Variants in LUZP2 observed in about 807,000 individuals in gnomAD.
LUZP2 encodes the protein leucine zipper protein 2.
In LUZP2, 52 loss-of-function variants were observed where a neutral mutation model predicts 51.6. That is an observed-to-expected ratio of 1.01 (90% confidence interval 0.81 to 1.27). The LOEUF (loss-of-function observed/expected upper bound fraction) is 1.27, where lower values mean the gene tolerates loss of function less well. Among genes scored for constraint, LUZP2 ranks in the 50% most tolerant of loss-of-function variants. LUZP2 has a pLI of 0.00. For missense variants in LUZP2, 436 were observed against 395.4 expected (o/e 1.10, Z -0.87); for synonymous variants, 154 against 137.3 (o/e 1.12, Z -0.85).
chr11:24,849,387 T>G (rs1851314857), intron 5 of LUZP2, among the ~76,000 whole-genome samples: 1 of 152,114 alleles, frequency 6.6e-6, no homozygotes, highest in Non-Finnish European at 1.5e-5. Context: ...GGTGTTTGGT[T>G]TTCTGTTCTT....
intron 1 of LUZP2, among the ~76,000 whole-genome samples, chr11:24,647,473 A>G (rs1188971947): frequency 1.3e-5 from 2 of 151,994 alleles, no homozygotes; most frequent in Non-Finnish European, 2.9e-5. Flanking sequence ...TTATCTAGAC[A>G]ATAAATTAAA....
At chr11:24,989,511 C>A (rs1388240673) in intron 9 of LUZP2, among the ~76,000 whole-genome samples, 1 of 152,046 alleles carries the variant, frequency 6.6e-6, no homozygotes, top group Non-Finnish European at 1.5e-5. Context: ...AAAACTCTGA[C>A]ACTCATGATA....
At chr11:24,945,427 T>C (rs991195039) in intron 7 of LUZP2, among the ~76,000 whole-genome samples, 1 of 152,122 alleles carries the variant, frequency 6.6e-6, no homozygotes, top group Non-Finnish European at 1.5e-5. Flanking sequence ...TTCTGAATTA[T>C]GACAGGGCTC....
intron 1 of LUZP2, among the ~76,000 whole-genome samples, chr11:24,515,616 A>T (rs12798501): frequency 6.6e-6 from 1 of 152,014 alleles, no homozygotes; most frequent in Non-Finnish European, 1.5e-5. Context: ...TGACTTTCCT[A>T]TGGGTTTCAA....
chr11:25,066,600 G>A (rs1859002860), intron 10 of LUZP2, among the ~76,000 whole-genome samples: 1 of 151,914 alleles, frequency 6.6e-6, no homozygotes, highest in African/African-American at 2.4e-5. Context: ...TAGGCAATGG[G>A]AAATCACATA....
At chr11:24,969,916 G>A (rs896476760) in intron 7 of LUZP2, among the ~76,000 whole-genome samples, 28 of 151,848 alleles carry the variant, frequency 1.8e-4, no homozygotes, top group Non-Finnish European at 2.9e-4. Flanking sequence ...ACATGCGCGC[G>A]CACACACACA....
intron 5 of LUZP2, among the ~76,000 whole-genome samples, chr11:24,838,555 C>A (rs910879403): frequency 1.3e-5 from 2 of 151,566 alleles, no homozygotes; most frequent in East Asian, 1.9e-4. Flanking sequence ...GGAGTAATAA[C>A]GTAGCATTTG....
intron 1 of LUZP2, among the ~76,000 whole-genome samples, chr11:24,676,064 C>T (rs1466694339): frequency 6.6e-6 from 1 of 152,002 alleles, no homozygotes; most frequent in Non-Finnish European, 1.5e-5. Context: ...AGTGATCTGC[C>T]CACCTCAGCC....
At chr11:24,642,060 T>G (rs1270227901) in intron 1 of LUZP2, among the ~76,000 whole-genome samples, 2 of 151,878 alleles carry the variant, frequency 1.3e-5, no homozygotes, top group East Asian at 3.9e-4. Flanking sequence ...TAGCTAATTT[T>G]TGTATTTTTA....
At chr11:24,661,721 A>C (rs1856027546) in intron 1 of LUZP2, among the ~76,000 whole-genome samples, 1 of 152,214 alleles carries the variant, frequency 6.6e-6, no homozygotes, top group Non-Finnish European at 1.5e-5. Flanking sequence ...TTTAGCCATA[A>C]CATTTTAAAA....
At chr11:25,018,043 T>TTTTTTTGTATTG (rs140118006) in intron 9 of LUZP2, among the ~76,000 whole-genome samples, 1 of 30,736 alleles carries the variant, frequency 3.3e-5, no homozygotes, top group African/African-American at 7.5e-5. Context: ...TTCTGTTTTT[T>TTTTTTTGTATTG]TTTTGTTTTT....
chr11:24,798,409 G>A (rs1486696), intron 5 of LUZP2, among the ~76,000 whole-genome samples: 93,230 of 151,988 alleles, frequency 0.61, 30,342 homozygotes, highest in Non-Finnish European at 0.73. Flanking sequence ...GTTGCTCAGC[G>A]TGGTCTCTAA....
intron 5 of LUZP2, chr11:24,892,420 T>C (rs913271445): frequency 2.0e-6 from 2 of 978,180 alleles, no homozygotes; most frequent in Middle Eastern, 5.3e-4. Flanking sequence ...TTAGCACTTA[T>C]TATAAAAATT....
At chr11:24,780,538 G>T (rs1037132355) in intron 5 of LUZP2, among the ~76,000 whole-genome samples, 2 of 152,118 alleles carry the variant, frequency 1.3e-5, no homozygotes, top group Non-Finnish European at 2.9e-5. Flanking sequence ...CAGGAAATTT[G>T]CTAGCACTGG....
chr11:24,945,413 C>T (rs1854870946), intron 7 of LUZP2, among the ~76,000 whole-genome samples: 2 of 152,080 alleles, frequency 1.3e-5, no homozygotes, highest in African/African-American at 4.8e-5. Flanking sequence ...GCTCTCTTCA[C>T]CTCTTCTGAA....
intron 10 of LUZP2, among the ~76,000 whole-genome samples, chr11:25,065,358 T>C (rs1305826617): frequency 6.6e-6 from 1 of 152,080 alleles, no homozygotes; most frequent in Non-Finnish European, 1.5e-5. Flanking sequence ...TCATTATCAT[T>C]GCTGCTACAA....
At chr11:24,945,260 T>G (rs1469620684) in intron 7 of LUZP2, among the ~76,000 whole-genome samples, 1 of 152,204 alleles carries the variant, frequency 6.6e-6, no homozygotes, top group Non-Finnish European at 1.5e-5. Flanking sequence ...TCTTACTTAT[T>G]CTGGAACTCA....
intron 7 of LUZP2, among the ~76,000 whole-genome samples, chr11:24,964,891 G>T (rs1042931000): frequency 6.6e-6 from 1 of 151,826 alleles, no homozygotes; most frequent in Non-Finnish European, 1.5e-5. Flanking sequence ...AAAAGGAAAT[G>T]CCTGATATTC....
At chr11:24,760,774 C>A (rs1468169572) in intron 4 of LUZP2, among the ~76,000 whole-genome samples, 3 of 152,128 alleles carry the variant, frequency 2.0e-5, no homozygotes, top group African/African-American at 7.2e-5. Flanking sequence ...TATTGCAGCT[C>A]TTGAAGATGT....
Sources: gnomAD v4.1 joint callset for allele counts (sites outside exome capture counted in the v4.1 genomes callset) on GRCh38, gnomAD v4.1.1 for gene constraint, MANE v1.5 for transcripts, NCBI Gene and HGNC (gene_info 2026-07-23, HGNC 2026-07-21) for gene names.